GABRG3: variants seen among roughly 807,000 people sequenced by gnomAD.
The protein encoded by GABRG3 is gamma-aminobutyric acid receptor subunit gamma-3.
GABRG3 carries 25 observed loss-of-function variants against 48.8 expected under a neutral mutation model. The ratio of observed to expected loss-of-function variants is 0.51; its 90% CI spans 0.37 to 0.72. The LOEUF (loss-of-function observed/expected upper bound fraction) is 0.72. Among genes scored for constraint, GABRG3 ranks in the 30% least tolerant of loss-of-function variants. The pLI is 0.00. For synonymous variants in GABRG3, 227 were observed against 217.6 expected (o/e 1.04, Z -0.38); for missense variants, 394 against 577.9 (o/e 0.68, Z 3.26).
At chr15:27,528,858 T>C in intron 9 of GABRG3, among the ~76,000 whole-genome samples, 1 of 152,052 alleles carries the variant, frequency 6.6e-6, no homozygotes, top group East Asian at 1.9e-4. Flanking sequence ...AAATATATAA[T>C]TTATATAGTC....
intron 3 of GABRG3, among the ~76,000 whole-genome samples, chr15:27,207,492 C>T (rs1234894737): frequency 6.6e-6 from 1 of 152,160 alleles, no homozygotes; most frequent in African/African-American, 2.4e-5. Context: ...CTAAGGGCTT[C>T]TTTGTGTAGG....
chr15:27,326,732 A>G (rs754884461), intron 3 of GABRG3, 77 bp from the exon 4 acceptor site: 6 of 1,191,736 alleles, frequency 5.0e-6, no homozygotes, highest in South Asian at 1.3e-5. Context: ...AGAGAACACA[A>G]CGTTTGACAA....
At chr15:27,505,084 C>A (rs556889045) in intron 6 of GABRG3, among the ~76,000 whole-genome samples, 89 of 152,278 alleles carry the variant, frequency 5.8e-4, no homozygotes, top group African/African-American at 2.0e-3. Context: ...ATTATTGATA[C>A]CACGTTGCTT....
rs73371700 is a variant in GABRG3, at chr15:27,145,805, T to C, written c.270+118984T>C. Among the ~76,000 whole-genome samples the C allele has an allele frequency of 7.3e-3, 1,106 of 152,208 alleles. 21 individuals carry two copies. Among genetic ancestry groups the C allele is most frequent in the African/African-American group, 0.026 (1,060 of 41,542 alleles). On this transcript the variant is annotated intron_variant, in intron 3 of 9. Coordinates refer to ENST00000615808, the MANE Select transcript of GABRG3 (RefSeq NM_033223.5). ...ATAGGAAAAACTCAGAGATTCATGC[T>C]GGATACAGTTTAATCAATCTGACAA...
At position 27,147,799 on chromosome 15, in the gene GABRG3, A is replaced by G. The variant is rs149474562; in HGVS notation, c.270+120978A>G. 2.7e-3 allele frequency among the ~76,000 whole-genome samples: 410 copies of G among 152,164 alleles called. 4 individuals are homozygous for G. Among genetic ancestry groups the G allele is most frequent in the Non-Finnish European group, 4.1e-3 (276 of 67,916 alleles). On this transcript the variant is annotated intron_variant, in intron 3 of 9. Coordinates refer to ENST00000615808, the MANE Select transcript of GABRG3 (RefSeq NM_033223.5). ...TAAAAATGCAGAAACACAGTATTCTAGAACTTATGAGATGCTGCAACAGCA... is the reference window on the plus strand; with the variant it reads ...TAAAAATGCAGAAACACAGTATTCTGGAACTTATGAGATGCTGCAACAGCA...
At chr15:26,990,948 G>A (rs768107451) in intron 2 of GABRG3, among the ~76,000 whole-genome samples, 4 of 151,920 alleles carry the variant, frequency 2.6e-5, no homozygotes, top group Non-Finnish European at 4.4e-5. Flanking sequence ...GGGACTACAG[G>A]CATGCGCCAC....
At chr15:27,291,058 C>T (rs1891779364) in intron 3 of GABRG3, among the ~76,000 whole-genome samples, 1 of 152,088 alleles carries the variant, frequency 6.6e-6, no homozygotes, top group African/African-American at 2.4e-5. Flanking sequence ...ATTATAAGTG[C>T]CCCAATAACA....
At chr15:27,317,809 G>A (rs571875220) in intron 3 of GABRG3, among the ~76,000 whole-genome samples, 7 of 152,108 alleles carry the variant, frequency 4.6e-5, no homozygotes, top group East Asian at 3.9e-4. Flanking sequence ...CCCAAATAGG[G>A]CATCATTTTC....
chr15:27,229,213 C>G (rs1034622418), intron 3 of GABRG3, among the ~76,000 whole-genome samples: 1 of 152,148 alleles, frequency 6.6e-6, no homozygotes, highest in African/African-American at 2.4e-5. Context: ...ACATTTAAGT[C>G]TTCAATCCAT....
chr15:27,021,787 G>A (rs1348534801), intron 2 of GABRG3, among the ~76,000 whole-genome samples: 7 of 152,286 alleles, frequency 4.6e-5, no homozygotes, highest in East Asian at 3.9e-4. Context: ...AGGCTGCAGC[G>A]AGCCATGATT....
At chr15:27,431,378 G>A (rs1396827464) in intron 5 of GABRG3, among the ~76,000 whole-genome samples, 1 of 152,076 alleles carries the variant, frequency 6.6e-6, no homozygotes, top group African/African-American at 2.4e-5. Context: ...TTTTGACCTT[G>A]TGAACTGCAG....
chr15:27,331,818 C>T (rs1477306674), intron 5 of GABRG3, among the ~76,000 whole-genome samples: 1 of 152,122 alleles, frequency 6.6e-6, no homozygotes, highest in East Asian at 1.9e-4. Context: ...TCTGTACTTT[C>T]TGCTCAATTT....
At chr15:27,019,791 G>A (rs1329567982) in intron 2 of GABRG3, among the ~76,000 whole-genome samples, 2 of 152,120 alleles carry the variant, frequency 1.3e-5, no homozygotes, top group African/African-American at 4.8e-5. Flanking sequence ...TATTGGAAGA[G>A]CCTCTTATGC....
intron 3 of GABRG3, among the ~76,000 whole-genome samples, chr15:27,044,248 T>C (rs1896326534): frequency 6.6e-6 from 1 of 152,204 alleles, no homozygotes; most frequent in African/African-American, 2.4e-5. Context: ...GGAGTTGTTT[T>C]GGAAGCTGAA....
chr15:27,176,751 G>C (rs1040388256), intron 3 of GABRG3, among the ~76,000 whole-genome samples: 1 of 152,138 alleles, frequency 6.6e-6, no homozygotes, highest in African/African-American at 2.4e-5. Context: ...GCTGGCATGG[G>C]GGCTTTTGAA....
chr15:27,028,670 G>C (rs1595481219), intron 3 of GABRG3, among the ~76,000 whole-genome samples: 1 of 152,074 alleles, frequency 6.6e-6, no homozygotes, highest in East Asian at 1.9e-4. Flanking sequence ...GCTGGGCATG[G>C]TGGCAGGCGC....
At chr15:27,220,354 C>G (rs1000574553) in intron 3 of GABRG3, among the ~76,000 whole-genome samples, 19 of 152,022 alleles carry the variant, frequency 1.2e-4, no homozygotes, top group African/African-American at 4.6e-4. Flanking sequence ...TAAGGGCTGA[C>G]CTTAACATAT....
At chr15:27,391,210 T>G (rs1887118970) in intron 5 of GABRG3, among the ~76,000 whole-genome samples, 1 of 152,186 alleles carries the variant, frequency 6.6e-6, no homozygotes, top group Non-Finnish European at 1.5e-5. Flanking sequence ...TTTTAATATT[T>G]TATAGGCTTT....
intron 5 of GABRG3, among the ~76,000 whole-genome samples, chr15:27,444,908 G>T (rs1332314266): frequency 2.6e-5 from 4 of 151,762 alleles, no homozygotes; most frequent in African/African-American, 9.7e-5. Context: ...TTGGGACAGA[G>T]TCACCCAGGC....
Sources: allele counts gnomAD v4.1 joint callset (sites outside exome capture counted in the v4.1 genomes callset), GRCh38; gene constraint gnomAD v4.1.1; transcripts MANE v1.5; gene names NCBI Gene and HGNC (gene_info 2026-07-23, HGNC 2026-07-21).